The following IPO7 variants were observed in gnomAD, a reference collection of about 807,000 sequenced individuals.
The protein encoded by IPO7 is importin-7.
IPO7 carries 13 observed loss-of-function variants against 136.4 expected under a neutral mutation model. The ratio of observed to expected loss-of-function variants is 0.10; its 90% CI spans 0.06 to 0.15. IPO7 has a LOEUF of 0.15. Ranked by LOEUF, IPO7 falls within the 10% of genes least tolerant of loss-of-function variation. The probability of loss-of-function intolerance (pLI) is 1.00; values close to 1 mark genes in which losing one functional copy is unlikely to be tolerated. For missense variants in IPO7, 857 were observed against 1,240.6 expected, an observed-to-expected ratio of 0.69 and a Z score of 4.65; for synonymous variants, 403 against 404.4, an observed-to-expected ratio of 1.00 and a Z score of 0.04.
intron 6 of IPO7, among the ~76,000 whole-genome samples, chr11:9,419,559 A>AAAAAAAAT (rs1256216265): frequency 1.7e-5 from 2 of 116,866 alleles, no homozygotes; most frequent in African/African-American, 7.5e-5. Flanking sequence ...AAAAAAAAAA[A>AAAAAAAAT]ATATATATAT....
At chr11:9,437,694 T>C in intron 20 of IPO7, 60 bp from the exon 21 acceptor site, 6 of 1,243,652 alleles carry the variant, frequency 4.8e-6, no homozygotes, top group Non-Finnish European at 6.9e-6. Context: ...GTTAATATTT[T>C]TAGAATGTTT....
intron 19 of IPO7, 27 bp from the exon 20 acceptor site, chr11:9,436,244 C>T (rs940766508): frequency 5.3e-6 from 8 of 1,511,194 alleles, no homozygotes; most frequent in Admixed American, 1.7e-5. Flanking sequence ...TAAAGCCTTA[C>T]TGCAATTTAT....
At chr11:9,442,469 A>G (rs1287563865) in intron 24 of IPO7, among the ~76,000 whole-genome samples, 1 of 151,864 alleles carries the variant, frequency 6.6e-6, no homozygotes, top group Non-Finnish European at 1.5e-5. Context: ...GCTGTAGTGC[A>G]GTGATGCGAT....
chr11:9,407,976 CCATAA>C (rs1178268566), intron 2 of IPO7, among the ~76,000 whole-genome samples: 3 of 152,226 alleles, frequency 2.0e-5, no homozygotes, highest in African/African-American at 4.8e-5. Flanking sequence ...GTAAATTCTC[CCATAA>C]CATAATTTGA....
chr11:9,422,461 A>G (rs1394126859), intron 8 of IPO7, among the ~76,000 whole-genome samples: 1 of 152,094 alleles, frequency 6.6e-6, no homozygotes, highest in Non-Finnish European at 1.5e-5. Flanking sequence ...TTAAACTAGT[A>G]GATCCTCTGA....
chr11:9,426,925 C>A (rs1855218383), intron 12 of IPO7, among the ~76,000 whole-genome samples: 1 of 149,712 alleles, frequency 6.7e-6, no homozygotes. Flanking sequence ...CCGCCATATG[C>A]TGGAGTGCAG....
intron 5 of IPO7, among the ~76,000 whole-genome samples, chr11:9,415,508 T>C (rs1855027814): frequency 6.6e-6 from 1 of 152,122 alleles, no homozygotes; most frequent in East Asian, 1.9e-4. Context: ...TATTTCTGTA[T>C]GTTCTAAATT....
chr11:9,428,735 A>G (rs963401763), intron 13 of IPO7, 106 bp downstream of exon 13: 1 of 808,462 alleles, frequency 1.2e-6, no homozygotes, highest in South Asian at 1.3e-5. Flanking sequence ...CCTGTGTCTT[A>G]TTTTAGGTTT....
In IPO7 at chr11:9,414,260, A is replaced by C; in HGVS notation, c.485A>C (p.Lys162Thr). The C allele has an allele frequency of 6.2e-7, 1 of 1,607,244 alleles. No individual in the cohort carries two copies. The highest frequency in any genetic ancestry group is 2.2e-5 in the East Asian group (1 of 44,824). ...LYQLVKNYEY[K>T]KPEERSPLVA... The stretch of plus-strand genomic sequence containing the variant: ...GTTTGTATTCCTACTCAAAGGTATA[A>C]AAAACCAGAGGAGCGGAGTCCATTG... The change falls in exon 5 of 25, where the codon AAA becomes ACA. Residue 162 changes from lysine to threonine, a missense_variant. Physicochemically the swap from Lys to Thr is moderately conservative, Grantham distance 78. Coordinates refer to ENST00000379719, the MANE Select transcript of IPO7 (RefSeq NM_006391.3).
chr11:9,429,946 A>C (rs1343370740), intron 15 of IPO7, 112 bp downstream of exon 15: 2 of 679,962 alleles, frequency 2.9e-6, no homozygotes, highest in Non-Finnish European at 4.8e-6. Context: ...CCTTTTTGGC[A>C]CCTGGGATCG....
chr11:9,444,141 G>T (rs1302789928), intron 24 of IPO7, among the ~76,000 whole-genome samples: 1 of 151,522 alleles, frequency 6.6e-6, no homozygotes, highest in East Asian at 2.0e-4. Flanking sequence ...AGCTGGACAT[G>T]GTGGTGCACA....
At chr11:9,416,153 A>G (rs146003220) in intron 5 of IPO7, among the ~76,000 whole-genome samples, 103 of 152,316 alleles carry the variant, frequency 6.8e-4, no homozygotes, top group South Asian at 1.9e-3. Flanking sequence ...CCATCCTGAC[A>G]GAGCGAGACC....
intron 1 of IPO7, among the ~76,000 whole-genome samples, chr11:9,385,269 C>T (rs1854536165): frequency 6.6e-6 from 1 of 152,136 alleles, no homozygotes. Flanking sequence ...TGGAAGGGCT[C>T]CTGGGAATGC....
chr11:9,393,674 C>T (rs1854668240), intron 1 of IPO7, among the ~76,000 whole-genome samples: 2 of 152,116 alleles, frequency 1.3e-5, no homozygotes. Context: ...TGAGCCACCA[C>T]ACCAGGCCTA....
At chr11:9,433,549 A>G (rs1038454013) in intron 16 of IPO7, 21 bp from the exon 17 acceptor site, 7 of 1,591,422 alleles carry the variant, frequency 4.4e-6, no homozygotes, top group South Asian at 3.3e-5. Flanking sequence ...ACTGCATATG[A>G]TTTTTTTTCT....
chr11:9,395,607 T>C (rs1340996816), intron 1 of IPO7, among the ~76,000 whole-genome samples: 1 of 152,152 alleles, frequency 6.6e-6, no homozygotes, highest in Non-Finnish European at 1.5e-5. Flanking sequence ...GGTAGAAATG[T>C]GTATGGGGCA....
At chr11:9,428,114 C>T (rs1279472079) in intron 12 of IPO7, among the ~76,000 whole-genome samples, 5 of 150,514 alleles carry the variant, frequency 3.3e-5, no homozygotes, top group Non-Finnish European at 5.9e-5. Context: ...AGCAAGACTC[C>T]GTCTCAAAAA....
At chr11:9,422,323 C>G (rs140504137) in intron 8 of IPO7, among the ~76,000 whole-genome samples, 2 of 151,506 alleles carry the variant, frequency 1.3e-5, no homozygotes, top group East Asian at 3.9e-4. Flanking sequence ...ATATCATACT[C>G]TTGATTCAAA....
At chr11:9,412,511 T>A (rs1239854919) in intron 4 of IPO7, among the ~76,000 whole-genome samples, 1 of 152,216 alleles carries the variant, frequency 6.6e-6, no homozygotes, top group East Asian at 1.9e-4. Flanking sequence ...GTCTGCCTAT[T>A]GACTCCTTAA....
Sources: allele counts gnomAD v4.1 joint callset (sites outside exome capture counted in the v4.1 genomes callset), GRCh38; gene constraint gnomAD v4.1.1; transcripts MANE v1.5; gene names NCBI Gene and HGNC (gene_info 2026-07-23, HGNC 2026-07-21).